The following MME variants were observed in gnomAD, a reference collection of about 807,000 sequenced individuals.
The protein encoded by MME is neprilysin.
In MME, 98 loss-of-function variants were observed where a neutral mutation model predicts 113.2. That is an observed-to-expected ratio of 0.87 (90% confidence interval 0.74 to 1.02). The LOEUF (loss-of-function observed/expected upper bound fraction) is 1.02. Among genes scored for constraint, MME ranks in the 50% least tolerant of loss-of-function variants. The pLI, the probability that MME is intolerant of heterozygous loss-of-function variation, is 0.00. For synonymous variants in MME, 292 were observed against 300.6 expected (o/e 0.97, Z 0.30); for missense variants, 836 against 896.0 (o/e 0.93, Z 0.86).
Position 155,182,840 on chromosome 3 carries a change from C to G in MME, c.*2381C>G, listed in dbSNP as rs1437883589. On this transcript the variant is annotated 3_prime_UTR_variant, in exon 23 of 23. Transcript: ENST00000360490. ...TAGATCAAAGTCAAAAATAGCAATGCCTCCCTATCCCTCACACATCCAGAC... is the reference window on the plus strand; with the variant it reads ...TAGATCAAAGTCAAAAATAGCAATGGCTCCCTATCCCTCACACATCCAGAC... The G allele has an allele frequency of 6.6e-6, 1 of 152,224 alleles. No homozygotes were observed. Among genetic ancestry groups the G allele is most frequent in the Non-Finnish European group, 1.5e-5 (1 of 68,054 alleles). The allele number at this position is 152,224 out of a possible 1,614,324, so 9.4% of individuals were successfully genotyped here.
chr3:155,072,555 C>T (rs148353406), intron 1 of MME, among the ~76,000 whole-genome samples: 12 of 152,212 alleles, frequency 7.9e-5, no homozygotes, highest in Non-Finnish European at 1.6e-4. Flanking sequence ...AGTTTAGCTG[C>T]AGTTGGTTTG....
chr3:155,073,613 A>C (rs1011218842), intron 1 of MME, among the ~76,000 whole-genome samples: 1 of 152,190 alleles, frequency 6.6e-6, no homozygotes, highest in African/African-American at 2.4e-5. Context: ...AAAGAACAAA[A>C]CCAATTATTG....
chr3:155,102,515 G>T (rs934448462), intron 3 of MME, among the ~76,000 whole-genome samples: 2 of 152,140 alleles, frequency 1.3e-5, no homozygotes, highest in Non-Finnish European at 2.9e-5. Context: ...CAGTCCACAA[G>T]AGCCCTTCCT....
upstream of MME, among the ~76,000 whole-genome samples, chr3:155,074,695 G>C (rs1428912276): frequency 6.6e-6 from 1 of 152,106 alleles, no homozygotes; most frequent in Non-Finnish European, 1.5e-5. Context: ...GCTTCCCAAA[G>C]TGCTGGGATT....
intron 5 of MME, 49 bp downstream of exon 5, chr3:155,116,608 T>TATA (rs776428703): frequency 8.2e-6 from 8 of 977,542 alleles, no homozygotes; most frequent in African/African-American, 7.5e-5. Context: ...ATATATATAT[T>TATA]GGTGCCAAAC....
intron 1 of MME, among the ~76,000 whole-genome samples, chr3:155,027,003 A>G (rs1712808047): frequency 6.6e-6 from 1 of 152,178 alleles, no homozygotes; most frequent in Non-Finnish European, 1.5e-5. Context: ...AAATTACCCA[A>G]TAGATCTATT....
chr3:155,163,649 A>G lies in MME; in HGVS notation c.1660+3201A>G, dbSNP rs373813407. Among the ~76,000 whole-genome samples, 6 of 152,204 alleles carry G rather than the reference A, an allele frequency of 3.9e-5. No individual in the cohort carries two copies. In the East Asian group the frequency reaches 9.6e-4, roughly 24 times the overall value. On this transcript the variant is annotated intron_variant, in intron 17 of 22. Transcript: ENST00000360490. Reference sequence around the variant, plus strand: ...TTTAGTGTATTCTCCTTTTTCATTAAAATTGCAGAAAGGATCTTTTAAATC... The same window carrying G: ...TTTAGTGTATTCTCCTTTTTCATTAGAATTGCAGAAAGGATCTTTTAAATC...
At chr3:155,072,909 T>G (rs967931701) in intron 1 of MME, among the ~76,000 whole-genome samples, 1 of 152,230 alleles carries the variant, frequency 6.6e-6, no homozygotes, top group African/African-American at 2.4e-5. Context: ...CTCAAAACTT[T>G]TATTAGCCTA....
intron 1 of MME, among the ~76,000 whole-genome samples, chr3:155,030,410 T>G (rs907896420): frequency 1.3e-5 from 2 of 152,106 alleles, no homozygotes; most frequent in Non-Finnish European, 2.9e-5. Flanking sequence ...TTGTTTTGTT[T>G]TTGTTGTTGT....
rs1714648010 is a variant in MME, at chr3:155,073,516, G to A, written c.-10-10642G>A. Among the ~76,000 whole-genome samples the A allele has an allele frequency of 2.6e-5, 4 of 151,934 alleles. No homozygotes were observed. In the South Asian group the frequency reaches 8.3e-4, roughly 32 times the overall value. On this transcript the variant is annotated intron_variant, in intron 1 of 22. Coordinates refer to the MME transcript ENST00000492661. ...TAGAATGTTTTAAACAATAGTAGTG[G>A]GTAATAATAAAACACAATGACATTA...
intron 3 of MME, among the ~76,000 whole-genome samples, chr3:155,102,489 A>G (rs1396035414): frequency 1.3e-5 from 2 of 152,138 alleles, no homozygotes; most frequent in Non-Finnish European, 2.9e-5. Context: ...ACCTAACCAC[A>G]TGGTCATCCA....
chr3:155,107,891 A>G (rs1717824586), intron 3 of MME, among the ~76,000 whole-genome samples: 1 of 152,198 alleles, frequency 6.6e-6, no homozygotes, highest in African/African-American at 2.4e-5. Context: ...CCACAACCAT[A>G]GTGTGGAAGT....
chr3:155,127,466 C>G (rs992699817), intron 8 of MME, among the ~76,000 whole-genome samples: 1 of 152,178 alleles, frequency 6.6e-6, no homozygotes, highest in Non-Finnish European at 1.5e-5. Flanking sequence ...GCATACATTC[C>G]GTTGCTTAAA....
intron 3 of MME, among the ~76,000 whole-genome samples, chr3:155,088,199 C>G (rs774260446): frequency 6.9e-6 from 1 of 145,296 alleles, no homozygotes; most frequent in Non-Finnish European, 1.6e-5. Flanking sequence ...CATAAACACA[C>G]ACACTCGTGC....
Position 155,147,240 on chromosome 3 carries a change from A to G in MME, c.1497+16A>G. 2 of 1,485,936 alleles carry G rather than the reference A, an allele frequency of 1.3e-6. No individual in the cohort carries two copies. The highest frequency in any genetic ancestry group is 2.3e-5 in the South Asian group (2 of 88,488). 92.0% of individuals were successfully genotyped at this position (1,485,936 alleles called of 1,614,324 possible). A position where few individuals can be genotyped will look rare whatever the true frequency, so the allele number is the denominator to read the frequency against. ...GTACCTCGAGGTAAGTCTCTATAAA[A>G]TAGACTCTGGACTACTGATACTTAG... is the stretch of plus-strand genomic sequence containing the variant. On this transcript the variant is annotated intron_variant, in intron 15 of 22. Coordinates refer to ENST00000360490, the MANE Select transcript of MME (RefSeq NM_007289.4).
chr3:155,088,653 A>G (rs1003012090), intron 3 of MME, among the ~76,000 whole-genome samples: 11 of 149,724 alleles, frequency 7.3e-5, no homozygotes, highest in African/African-American at 2.7e-4. Flanking sequence ...ATTGCACTAC[A>G]GCCTGGGCAA....
chr3:155,175,691 A>G (rs1712447702), intron 22 of MME, among the ~76,000 whole-genome samples: 1 of 152,124 alleles, frequency 6.6e-6, no homozygotes, highest in Non-Finnish European at 1.5e-5. Context: ...AACTGACACC[A>G]CTATCAAAGC....
Position 155,138,143 on chromosome 3 carries a change from A to AT in MME, c.764dup (p.Leu255PhefsTer12). 15 of 1,613,790 alleles carry AT rather than the reference A, an allele frequency of 9.3e-6. No individual in the cohort carries two copies. Among genetic ancestry groups the AT allele is most frequent in the Non-Finnish European group, 1.3e-5 (15 of 1,179,806 alleles). Reference sequence around the variant, plus strand: ...TGGATTTTATGATTTCTGTGGCCAGATTGATTCGTCAGGAAGAAAGATTGC... The same window carrying AT: ...TGGATTTTATGATTTCTGTGGCCAGATTTGATTCGTCAGGAAGAAAGATTGC... On this transcript the variant is annotated frameshift_variant, in exon 9 of 23. Transcript: ENST00000360490. LOFTEE classifies it high-confidence loss of function.
At chr3:155,032,274 C>T (rs1475627591) in intron 1 of MME, among the ~76,000 whole-genome samples, 1 of 152,148 alleles carries the variant, frequency 6.6e-6, no homozygotes, top group Non-Finnish European at 1.5e-5. Context: ...CAGAATCTGA[C>T]CAGTTTTAAA....
Sources: allele counts gnomAD v4.1 joint callset (sites outside exome capture counted in the v4.1 genomes callset), GRCh38; gene constraint gnomAD v4.1.1; transcripts MANE v1.5; gene names NCBI Gene and HGNC (gene_info 2026-07-23, HGNC 2026-07-21).